REV1: variants seen among roughly 807,000 people sequenced by gnomAD.
REV1 encodes the protein translesion synthesis protein REV1.
A neutral mutation model predicts 137.4 loss-of-function variants in REV1; 42 were observed. The ratio of observed to expected loss-of-function variants is 0.31; its 90% CI spans 0.24 to 0.40. The LOEUF is 0.40. REV1 is among the 10% of genes least tolerant of loss of function. The pLI, the probability that REV1 is intolerant of heterozygous loss-of-function variation, is 1.00. For missense variants in REV1, 1,282 were observed against 1,490.1 expected, an observed-to-expected ratio of 0.86 and a Z score of 2.30; for synonymous variants, 524 against 519.2, an observed-to-expected ratio of 1.01 and a Z score of -0.12.
chr2:99,446,828 C>A (rs368768627), intron 4 of REV1, among the ~76,000 whole-genome samples: 40 of 152,142 alleles, frequency 2.6e-4, no homozygotes, highest in African/African-American at 9.4e-4. Context: ...TCAATTCCCC[C>A]CAGCAAGATC....
chr2:99,423,407 C>CA (rs1678934085), intron 10 of REV1, among the ~76,000 whole-genome samples: 1 of 152,206 alleles, frequency 6.6e-6, no homozygotes, highest in African/African-American at 2.4e-5. Flanking sequence ...CATTCATATA[C>CA]ATTCCCCGTG....
intron 1 of REV1, among the ~76,000 whole-genome samples, chr2:99,476,007 AC>A: frequency 6.6e-6 from 1 of 152,312 alleles, no homozygotes; most frequent in South Asian, 2.1e-4. Flanking sequence ...ATGAAAATAA[AC>A]AAATGTGTAT....
chr2:99,402,540 G>T, intron 21 of REV1, 104 bp downstream of exon 21: 1 of 1,180,170 alleles, frequency 8.5e-7, no homozygotes, highest in Non-Finnish European at 1.2e-6. Flanking sequence ...GCTTATCAGA[G>T]TTAGAGAAAT....
At chr2:99,424,881 T>C in intron 9 of REV1, 1 of 1,302,418 alleles carries the variant, frequency 7.7e-7, no homozygotes, top group Non-Finnish European at 1.0e-6. Context: ...GGAGCCAGGG[T>C]TCCAGAACTT....
chr2:99,403,118 T>C lies in REV1; in HGVS notation c.3167-12A>G, dbSNP rs370714320. ...AGGATTCTTTGGCACTAAGAGCAGA[T>C]GGATATAAGATCCTCAACAAAATGA... On this transcript the variant is annotated splice_polypyrimidine_tract_variant and intron_variant, in intron 19 of 22. Coordinates refer to ENST00000258428, the MANE Select transcript of REV1 (RefSeq NM_016316.4). 2 of 1,569,016 alleles carry C rather than the reference T, an allele frequency of 1.3e-6. No homozygotes were observed. Among genetic ancestry groups the C allele is most frequent in the Non-Finnish European group, 8.7e-7 (1 of 1,154,422 alleles).
Position 99,444,472 on chromosome 2 carries a change from G to T in REV1, c.351-2003C>A, listed in dbSNP as rs1392080728. 3.3e-5 allele frequency among the ~76,000 whole-genome samples: 5 copies of T among 152,148 alleles called. 1 individual carries two copies. Among genetic ancestry groups the T allele is most frequent in the African/African-American group, 1.2e-4 (5 of 41,428 alleles). On this transcript the variant is annotated intron_variant, in intron 4 of 22. Transcript: ENST00000258428. ...ATGGTCAGCACTGATCATATACAAGGGTGTCAGGCCTTATCCAGCTCCTAA... is the reference window on the plus strand; with the variant it reads ...ATGGTCAGCACTGATCATATACAAGTGTGTCAGGCCTTATCCAGCTCCTAA...
chr2:99,441,727 A>G (rs1000409), intron 5 of REV1, among the ~76,000 whole-genome samples: 92,564 of 152,012 alleles, frequency 0.61, 28,898 homozygotes, highest in African/African-American at 0.72. Context: ...TTACTTTCAT[A>G]AAAATCCATG....
At chr2:99,433,644 T>C (rs959418758) in intron 8 of REV1, among the ~76,000 whole-genome samples, 2 of 152,186 alleles carry the variant, frequency 1.3e-5, no homozygotes, top group African/African-American at 4.8e-5. Context: ...TTCTGGGTAA[T>C]ATATTTCTGA....
At chr2:99,456,740 C>T (rs1683578825) in intron 3 of REV1, among the ~76,000 whole-genome samples, 1 of 152,218 alleles carries the variant, frequency 6.6e-6, no homozygotes, top group Non-Finnish European at 1.5e-5. Flanking sequence ...AATACTACTA[C>T]TATGGACTGG....
Position 99,402,788 on chromosome 2 carries a change from C to A in REV1, c.3397G>T (p.Ala1133Ser). ...PAEKPLEELS[A>S]STSGVPGLSS... ...AGGCCTGGCACACCTGAAGTAGAAG[C>A]AGAGAGTTCTTCCTGTTAAGAAAAC... is the stretch of plus-strand genomic sequence containing the variant. Residue 1133 changes from alanine (A) to serine (S), a missense_variant, in exon 21 of 23, where the codon GCT becomes TCT. Coordinates refer to ENST00000258428, the MANE Select transcript of REV1 (RefSeq NM_016316.4). 6.2e-7 allele frequency: 1 copy of A among 1,614,192 alleles called. No homozygotes were observed. The highest frequency in any genetic ancestry group is 8.5e-7 in the Non-Finnish European group (1 of 1,180,040).
At position 99,442,436 on chromosome 2, in the gene REV1, T is replaced by A; in HGVS notation, c.384A>T (p.Pro128=). The A allele has an allele frequency of 1.2e-6, 2 of 1,613,912 alleles. No homozygotes were observed. Among genetic ancestry groups the A allele is most frequent in the Non-Finnish European group, 1.7e-6 (2 of 1,179,968 alleles). ...IKAGRLLSYI[P]YQLYTKQSSV... ...TGGACTGCTTGGTGTACAGCTGATA[T>A]GGAATGTAGGAGAGGAGTCGTCCAG... The change falls in exon 5 of 23, where the codon CCA becomes CCT. Residue 128 remains proline (P), a synonymous_variant. Coordinates refer to ENST00000258428, the MANE Select transcript of REV1 (RefSeq NM_016316.4).
intron 14 of REV1, 47 bp downstream of exon 14, chr2:99,410,648 C>T: frequency 6.8e-7 from 1 of 1,471,466 alleles, no homozygotes; most frequent in Non-Finnish European, 9.2e-7. Flanking sequence ...CTTACAACAA[C>T]CTGTACTGAA....
intron 4 of REV1, among the ~76,000 whole-genome samples, chr2:99,444,918 T>C (rs1257488891): frequency 6.6e-6 from 1 of 152,140 alleles, no homozygotes; most frequent in Non-Finnish European, 1.5e-5. Context: ...AAGGAGAGGA[T>C]AATAAAAAAA....
intron 1 of REV1, 122 bp from the exon 2 acceptor site, chr2:99,465,107 C>G: frequency 1.8e-6 from 1 of 566,314 alleles, no homozygotes; most frequent in Non-Finnish European, 2.9e-6. Context: ...TGAAAGTATA[C>G]AATATTAAGT....
At chr2:99,456,661 G>A (rs1575162603) in intron 3 of REV1, among the ~76,000 whole-genome samples, 1 of 152,274 alleles carries the variant, frequency 6.6e-6, no homozygotes, top group East Asian at 1.9e-4. Context: ...AACAACACAA[G>A]ACAAAATCCA....
At position 99,410,749 on chromosome 2, in the gene REV1, GC is replaced by G; in HGVS notation, c.2290del (p.Ala764LeufsTer3). Reference protein sequence around the residue: ...TLKIMVRKPGAPVETAKFGGH... With the variant: ...TLKIMVRKPGXPVETAKFGGH... ...TCCAAATTTTGCAGTTTCTACAGGA[GC>G]CCCAGGCTTTCGTACCATGATTTTG... On this transcript the variant is annotated frameshift_variant, in exon 14 of 23. Coordinates refer to ENST00000258428, the MANE Select transcript of REV1 (RefSeq NM_016316.4). LOFTEE classifies it high-confidence loss of function. 1 of 1,609,692 alleles carries G rather than the reference GC, an allele frequency of 6.2e-7. No homozygotes were observed. Among genetic ancestry groups the G allele is most frequent in the Non-Finnish European group, 8.5e-7 (1 of 1,178,842 alleles).
intron 1 of REV1, among the ~76,000 whole-genome samples, chr2:99,479,348 A>G (rs1166252904): frequency 6.6e-6 from 1 of 151,500 alleles, no homozygotes; most frequent in Non-Finnish European, 1.5e-5. Flanking sequence ...AAAAAAACAA[A>G]AAGATTACAG....
chr2:99,415,610 C>A (rs4851205), intron 12 of REV1, among the ~76,000 whole-genome samples: 93,829 of 152,152 alleles, frequency 0.62, 29,710 homozygotes, highest in African/African-American at 0.74. Flanking sequence ...GAGCACTTGC[C>A]ATGTGGCCAG....
chr2:99,457,578 G>A (rs1355253887), intron 3 of REV1, among the ~76,000 whole-genome samples: 7 of 147,736 alleles, frequency 4.7e-5, no homozygotes, highest in African/African-American at 1.0e-4. Context: ...CCAGCTACTC[G>A]GGTAGCTGAG....
Sources: allele counts gnomAD v4.1 joint callset (sites outside exome capture counted in the v4.1 genomes callset), GRCh38; gene constraint gnomAD v4.1.1; transcripts MANE v1.5; gene names NCBI Gene and HGNC (gene_info 2026-07-23, HGNC 2026-07-21).